Variants in OSBPL6 observed in about 807,000 individuals in gnomAD.
OSBPL6 encodes the protein oxysterol binding protein like 6, also known as oxysterol-binding protein-related protein 6.
OSBPL6 carries 49 observed loss-of-function variants against 125.8 expected under a neutral mutation model. The ratio of observed to expected loss-of-function variants is 0.39; its 90% CI spans 0.31 to 0.49. The LOEUF (loss-of-function observed/expected upper bound fraction) is 0.49, where lower values mean the gene tolerates loss of function less well. OSBPL6 is among the 20% of genes least tolerant of loss of function. OSBPL6 has a pLI of 0.88. For synonymous variants in OSBPL6, 394 were observed against 391.8 expected (o/e 1.01, Z -0.07); for missense variants, 986 against 1,135.4 (o/e 0.87, Z 1.89).
intron 1 of OSBPL6, among the ~76,000 whole-genome samples, chr2:178,282,144 G>T (rs1031562785): frequency 6.6e-6 from 1 of 152,170 alleles, no homozygotes; most frequent in African/African-American, 2.4e-5. Context: ...GGAGTTGGGA[G>T]TTGCAGTTTT....
intron 1 of OSBPL6, among the ~76,000 whole-genome samples, chr2:178,205,001 A>G (rs1574474464): frequency 6.6e-6 from 1 of 152,098 alleles, no homozygotes; most frequent in South Asian, 2.1e-4. Flanking sequence ...CCCACACTGT[A>G]CCCCACCTTC....
intron 12 of OSBPL6, among the ~76,000 whole-genome samples, chr2:178,350,012 C>T (rs533795622): frequency 4.6e-5 from 7 of 152,308 alleles, no homozygotes; most frequent in African/African-American, 1.7e-4. Context: ...GTGGAAGCTG[C>T]ACGTCCTCTT....
rs1265933364 is a variant in OSBPL6, at chr2:178,204,488, C to T, written c.-351+9814C>T. Among the ~76,000 whole-genome samples, 4 of 152,206 alleles carry T rather than the reference C, an allele frequency of 2.6e-5. No individual in the cohort carries two copies. In the East Asian group the frequency reaches 7.7e-4, roughly 29 times the overall value. On this transcript the variant is annotated intron_variant, in intron 1 of 24. Transcript: ENST00000190611. ...TCCCTGTGCCACTGCTGGAAACTCA[C>T]TCAAGGTAGTAACCTAGTGTAGTCT...
intron 3 of OSBPL6, among the ~76,000 whole-genome samples, chr2:178,309,110 C>T (rs1157045604): frequency 6.6e-6 from 1 of 152,062 alleles, no homozygotes; most frequent in Non-Finnish European, 1.5e-5. Context: ...ATGGAATTCC[C>T]ACCACCCTCC....
intron 1 of OSBPL6, among the ~76,000 whole-genome samples, chr2:178,276,678 A>G (rs770369519): frequency 1.3e-5 from 2 of 151,836 alleles, no homozygotes; most frequent in South Asian, 2.1e-4. Flanking sequence ...TGGCCTTTAC[A>G]TTCTTCTTTA....
chr2:178,206,169 T>C (rs1433093857), intron 1 of OSBPL6, among the ~76,000 whole-genome samples: 1 of 152,184 alleles, frequency 6.6e-6, no homozygotes, highest in African/African-American at 2.4e-5. Context: ...TTGTCTTGTG[T>C]GAAGAACTAA....
chr2:178,360,858 C>T (rs1388444329), intron 12 of OSBPL6, among the ~76,000 whole-genome samples: 10 of 152,188 alleles, frequency 6.6e-5, no homozygotes, highest in Non-Finnish European at 1.5e-5. Flanking sequence ...AATTCAGCCA[C>T]TCTATTTTAT....
chr2:178,276,371 GTTTTT>G (rs71023438), intron 1 of OSBPL6, among the ~76,000 whole-genome samples: 1 of 122,756 alleles, frequency 8.1e-6, no homozygotes, highest in Non-Finnish European at 1.7e-5. Context: ...ATTCTAAATG[GTTTTT>G]TTTTTTTTTT....
chr2:178,203,531 C>T (rs886303882), intron 1 of OSBPL6, among the ~76,000 whole-genome samples: 2 of 152,130 alleles, frequency 1.3e-5, no homozygotes, highest in Non-Finnish European at 2.9e-5. Flanking sequence ...ATATCCTTGC[C>T]TGCTAATTCT....
chr2:178,401,592 G>A lies in OSBPL6; in HGVS notation c.*6033G>A, dbSNP rs1696104965. On this transcript the variant is annotated 3_prime_UTR_variant, in exon 25 of 25. Coordinates refer to ENST00000190611, the MANE Select transcript of OSBPL6 (RefSeq NM_032523.4). ...AAATGCTAATGAAGAAACAAGGCAA[G>A]AATGAATACAAGAGAAATGGAATCT... The A allele has an allele frequency of 6.6e-6, 1 of 152,194 alleles. No homozygotes were observed. Among genetic ancestry groups the A allele is most frequent in the Non-Finnish European group, 1.5e-5 (1 of 68,032 alleles). The allele number at this position is 152,194 out of a possible 1,614,324, so 9.4% of individuals were successfully genotyped here.
intron 1 of OSBPL6, among the ~76,000 whole-genome samples, chr2:178,260,951 G>T (rs1397965794): frequency 6.6e-6 from 1 of 152,102 alleles, no homozygotes; most frequent in Non-Finnish European, 1.5e-5. Flanking sequence ...GGCCAACATG[G>T]CAAAACTCCA....
At chr2:178,369,692 T>C (rs879584450) in intron 13 of OSBPL6, among the ~76,000 whole-genome samples, 4 of 152,216 alleles carry the variant, frequency 2.6e-5, no homozygotes, top group Non-Finnish European at 4.4e-5. Context: ...TTATCTTGTG[T>C]TCCCATCACA....
intron 1 of OSBPL6, among the ~76,000 whole-genome samples, chr2:178,284,507 C>G (rs571098490): frequency 3.5e-4 from 53 of 151,566 alleles, no homozygotes; most frequent in African/African-American, 1.3e-3. Context: ...GAGCCGAGAT[C>G]ACACCATTGC....
intron 12 of OSBPL6, among the ~76,000 whole-genome samples, chr2:178,358,709 A>G (rs148679550): frequency 7.8e-4 from 119 of 152,312 alleles, no homozygotes; most frequent in African/African-American, 2.7e-3. Context: ...TCTTAGATAT[A>G]ACACCAAAAA....
Position 178,318,799 on chromosome 2 carries a change from C to G in OSBPL6, c.103-5378C>G, listed in dbSNP as rs574763385. 3.3e-5 allele frequency among the ~76,000 whole-genome samples: 5 copies of G among 152,270 alleles called. No homozygotes were observed. In the East Asian group the frequency reaches 9.6e-4, roughly 29 times the overall value. ...GGCTTCCTCACTTCCAAAAGGGCTC[C>G]CAGGTGTCAGACACCAGCAAAGTGT... is the stretch of plus-strand genomic sequence containing the variant. On this transcript the variant is annotated intron_variant, in intron 3 of 24. Coordinates refer to ENST00000190611, the MANE Select transcript of OSBPL6 (RefSeq NM_032523.4).
intron 2 of OSBPL6, among the ~76,000 whole-genome samples, chr2:178,296,158 C>T (rs965340796): frequency 6.6e-6 from 1 of 152,090 alleles, no homozygotes; most frequent in African/African-American, 2.4e-5. Context: ...TTGCTGGGCA[C>T]CACCCTCAGA....
rs148434301 is a variant in OSBPL6, at chr2:178,203,798, G to C, written c.-351+9124G>C. ...GGGACCAGATAGTGCTCAATTTAAG[G>C]CTAATTGTTTCCATGAACTAGGCAA... is the stretch of plus-strand genomic sequence containing the variant. On this transcript the variant is annotated intron_variant, in intron 1 of 24. Coordinates refer to ENST00000190611, the MANE Select transcript of OSBPL6 (RefSeq NM_032523.4). 5.5e-3 allele frequency among the ~76,000 whole-genome samples: 842 copies of C among 152,230 alleles called. 8 individuals are homozygous for C. The highest frequency in any genetic ancestry group is 0.019 in the African/African-American group (805 of 41,544).
chr2:178,395,623 T>C lies in OSBPL6; in HGVS notation c.*64T>C, dbSNP rs571414563. On this transcript the variant is annotated 3_prime_UTR_variant, in exon 25 of 25. Coordinates refer to ENST00000190611, the MANE Select transcript of OSBPL6 (RefSeq NM_032523.4). ...ATGAATAAATAACTATGCACAATTA[T>C]GTTTCTTATAGCTATGTGTGGTTTC... 1.3e-4 allele frequency: 164 copies of C among 1,257,536 alleles called. No individual in the cohort carries two copies. The highest frequency in any genetic ancestry group is 1.6e-4 in the Non-Finnish European group (143 of 869,926). The allele number at this position is 1,257,536 out of a possible 1,614,324, so 77.9% of individuals were successfully genotyped here. A position where few individuals can be genotyped will look rare whatever the true frequency, so the allele number is the denominator to read the frequency against.
At chr2:178,222,045 G>A (rs886760641) in intron 1 of OSBPL6, among the ~76,000 whole-genome samples, 3 of 152,120 alleles carry the variant, frequency 2.0e-5, no homozygotes, top group African/African-American at 7.2e-5. Context: ...AGGAATGAAG[G>A]AAGTCATCAA....
Sources: allele counts gnomAD v4.1 joint callset (sites outside exome capture counted in the v4.1 genomes callset), GRCh38; gene constraint gnomAD v4.1.1; transcripts MANE v1.5; gene names NCBI Gene and HGNC (gene_info 2026-07-23, HGNC 2026-07-21).